Variants in DIP2C observed in about 807,000 individuals in gnomAD.
The protein encoded by DIP2C is DIP2 acetate--CoA ligase C (putative).
A neutral mutation model predicts 192.4 loss-of-function variants in DIP2C; 33 were observed. That is an observed-to-expected ratio of 0.17 (90% CI 0.13 to 0.23). The LOEUF is 0.23. Ranked by LOEUF, DIP2C falls within the 10% of genes least tolerant of loss-of-function variation. DIP2C has a pLI of 1.00. For synonymous variants in DIP2C, 979 were observed against 864.1 expected (o/e 1.13, Z -2.33); for missense variants, 1,537 against 2,110.1 (o/e 0.73, Z 5.32).
At chr10:467,070 A>C (rs1487282615) in intron 3 of DIP2C, among the ~76,000 whole-genome samples, 1 of 151,802 alleles carries the variant, frequency 6.6e-6, no homozygotes, top group Admixed American at 6.6e-5. Context: ...GCTGCTATAA[A>C]GACACATGCA....
chr10:495,448 T>C (rs1480407142), intron 1 of DIP2C, among the ~76,000 whole-genome samples: 2 of 152,100 alleles, frequency 1.3e-5, no homozygotes, highest in South Asian at 2.1e-4. Context: ...GTGTTATTAA[T>C]AGCTTGAAGG....
chr10:406,365 C>T (rs1381218647), intron 9 of DIP2C, among the ~76,000 whole-genome samples: 1 of 152,220 alleles, frequency 6.6e-6, no homozygotes, highest in African/African-American at 2.4e-5. Context: ...AATGGAAACT[C>T]TGTCCCTATT....
At chr10:548,439 G>T (rs1848412791) in intron 1 of DIP2C, among the ~76,000 whole-genome samples, 1 of 148,416 alleles carries the variant, frequency 6.7e-6, no homozygotes, top group Non-Finnish European at 1.5e-5. Flanking sequence ...GAGGCCACCG[G>T]GATGGAGGGA....
intron 1 of DIP2C, among the ~76,000 whole-genome samples, chr10:656,778 C>G (rs1856361544): frequency 6.6e-6 from 1 of 152,164 alleles, no homozygotes; most frequent in African/African-American, 2.4e-5. Flanking sequence ...TGGAAGGCAA[C>G]AAGGACAGAG....
At position 414,739 on chromosome 10, in the gene DIP2C, G is replaced by GTATATATATATATATATATA. The variant is rs1554847955; in HGVS notation, c.860-630_860-629insTATATATATATATATATATA. On this transcript the variant is annotated intron_variant, in intron 7 of 36. Coordinates refer to ENST00000280886, the MANE Select transcript of DIP2C (RefSeq NM_014974.3). The stretch of plus-strand genomic sequence containing the variant: ...TGTGTGTGTGTGTGTGTGTGTGTGT[G>GTATATATATATATATATATA]TACATATATATATATATAATGTGTA... 4.2e-3 allele frequency among the ~76,000 whole-genome samples: 382 copies of GTATATATATATATATATATA among 90,468 alleles called. 19 individuals are homozygous for GTATATATATATATATATATA. The highest frequency in any genetic ancestry group is 0.032 in the Middle Eastern group (5 of 158). 59.4% of individuals were successfully genotyped at this position (90,468 alleles called of 152,430 possible). A position where few individuals can be genotyped will look rare whatever the true frequency, so the allele number is the denominator to read the frequency against.
intron 10 of DIP2C, among the ~76,000 whole-genome samples, chr10:392,368 C>G (rs956719829): frequency 1.3e-5 from 2 of 152,174 alleles, no homozygotes; most frequent in African/African-American, 4.8e-5. Flanking sequence ...AGGCCAGGAG[C>G]CAACCTTTCG....
intron 1 of DIP2C, among the ~76,000 whole-genome samples, chr10:600,853 C>T (rs748023799): frequency 2.0e-4 from 30 of 151,524 alleles, no homozygotes; most frequent in Middle Eastern, 6.9e-3. Flanking sequence ...AGGTCTTTGG[C>T]CATCTGGTCA....
chr10:378,702 AAC>A (rs1036863325), intron 17 of DIP2C, among the ~76,000 whole-genome samples: 1 of 151,344 alleles, frequency 6.6e-6, no homozygotes, highest in African/African-American at 2.4e-5. Flanking sequence ...TACACACATG[AAC>A]AGATATGCAC....
chr10:392,441 A>C (rs1315398551), intron 10 of DIP2C, among the ~76,000 whole-genome samples: 1 of 152,232 alleles, frequency 6.6e-6, no homozygotes, highest in Admixed American at 6.5e-5. Context: ...AATCATACAC[A>C]TAAGAAGATC....
intron 2 of DIP2C, among the ~76,000 whole-genome samples, chr10:484,379 CCTT>C (rs1486957908): frequency 8.5e-5 from 13 of 152,224 alleles, no homozygotes; most frequent in Admixed American, 2.0e-4. Flanking sequence ...CAAAATCACT[CCTT>C]CTAGCAGATC....
intron 3 of DIP2C, among the ~76,000 whole-genome samples, chr10:467,350 G>T (rs1221030372): frequency 7.4e-6 from 1 of 134,948 alleles, no homozygotes; most frequent in Non-Finnish European, 1.5e-5. Context: ...ATGGACACAG[G>T]AAGGGGAATA....
intron 3 of DIP2C, among the ~76,000 whole-genome samples, chr10:447,570 CGT>C (rs1968364773): frequency 2.4e-4 from 34 of 143,924 alleles, no homozygotes; most frequent in Non-Finnish European, 4.5e-4. Context: ...CCCACTCACC[CGT>C]CGATAATCAG....
chr10:496,382 A>AAAC (rs112546472), intron 1 of DIP2C, among the ~76,000 whole-genome samples: 30,924 of 137,628 alleles, frequency 0.22, 5,592 homozygotes, highest in African/African-American at 0.51. Flanking sequence ...TTAATACCCC[A>AAAC]AACATGAGTG....
At chr10:582,961 G>A (rs552093936) in intron 1 of DIP2C, among the ~76,000 whole-genome samples, 5 of 152,288 alleles carry the variant, frequency 3.3e-5, no homozygotes, top group Admixed American at 2.6e-4. Context: ...GGGAAAATGG[G>A]GAAGACTAAT....
chr10:531,206 T>C (rs888439495), intron 1 of DIP2C, among the ~76,000 whole-genome samples: 4 of 152,106 alleles, frequency 2.6e-5, no homozygotes, highest in Admixed American at 6.5e-5. Flanking sequence ...GTGCTGTGAC[T>C]TTCCCCGTAA....
chr10:350,401 G>A (rs568017520), intron 24 of DIP2C, among the ~76,000 whole-genome samples: 2 of 152,246 alleles, frequency 1.3e-5, no homozygotes, highest in South Asian at 2.1e-4. Flanking sequence ...GTAACTAACC[G>A]AAACAAGCTT....
At chr10:611,263 A>G (rs1451282671) in intron 1 of DIP2C, among the ~76,000 whole-genome samples, 7 of 152,144 alleles carry the variant, frequency 4.6e-5, no homozygotes, top group Non-Finnish European at 1.0e-4. Context: ...CCCTGATTGT[A>G]AGTTTCCCCA....
At chr10:495,866 T>A (rs1844791784) in intron 1 of DIP2C, among the ~76,000 whole-genome samples, 1 of 151,210 alleles carries the variant, frequency 6.6e-6, no homozygotes, top group Admixed American at 6.6e-5. Context: ...GAACCCATGG[T>A]GCCCTCCCGT....
At chr10:452,227 G>A (rs1168291969) in intron 3 of DIP2C, among the ~76,000 whole-genome samples, 1 of 152,146 alleles carries the variant, frequency 6.6e-6, no homozygotes, top group Non-Finnish European at 1.5e-5. Flanking sequence ...GAAATCAGTG[G>A]CACAGTGACA....
Sources: gnomAD v4.1 joint callset for allele counts (sites outside exome capture counted in the v4.1 genomes callset) on GRCh38, gnomAD v4.1.1 for gene constraint, MANE v1.5 for transcripts, NCBI Gene and HGNC (gene_info 2026-07-23, HGNC 2026-07-21) for gene names.